Variants in PPFIA1 observed in about 807,000 individuals in gnomAD.
PPFIA1 encodes PPFI scaffold protein A1.
Under a neutral mutation model 149.9 loss-of-function variants are expected in PPFIA1, and 25 were observed. That is an observed-to-expected ratio of 0.17 (90% CI 0.12 to 0.23). PPFIA1 has a LOEUF of 0.23. Among genes scored for constraint, PPFIA1 ranks in the 10% least tolerant of loss-of-function variants. The pLI is 1.00. For missense variants in PPFIA1, 1,362 were observed against 1,506.5 expected, an observed-to-expected ratio of 0.90 and a Z score of 1.59; for synonymous variants, 549 against 552.8, an observed-to-expected ratio of 0.99 and a Z score of 0.10.
intron 2 of PPFIA1, among the ~76,000 whole-genome samples, chr11:70,285,870 T>C (rs185994616): frequency 1.7e-3 from 265 of 152,320 alleles, no homozygotes; most frequent in Non-Finnish European, 3.1e-3. Context: ...TTCTAGGTGC[T>C]GAATATTCCA....
rs73519483 is a variant in PPFIA1 at position 70,355,534 on chromosome 11, T to C, written c.2316-105T>C. 5,759 of 1,077,652 alleles carry C rather than the reference T, an allele frequency of 5.3e-3. 258 individuals are homozygous for C. The African/African-American group carries it at 0.083, about 16-fold the overall frequency. The allele number at this position is 1,077,652 out of a possible 1,614,324, so 66.8% of individuals were successfully genotyped here. Reference sequence around the variant, plus strand: ...TGCATGATGCACTTGGTGAGGAAGATGTGTGTGAAAGAGACTGGAAGTGCT... The same window carrying C: ...TGCATGATGCACTTGGTGAGGAAGACGTGTGTGAAAGAGACTGGAAGTGCT... On this transcript the variant is annotated intron_variant, in intron 17 of 27. Coordinates refer to ENST00000253925, the MANE Select transcript of PPFIA1 (RefSeq NM_003626.5).
At chr11:70,343,483 A>G (rs1290321832) in intron 14 of PPFIA1, among the ~76,000 whole-genome samples, 186 bp from the exon 15 acceptor site, 1 of 152,166 alleles carries the variant, frequency 6.6e-6, no homozygotes, top group East Asian at 1.9e-4. Flanking sequence ...GGGTCCAAGG[A>G]ATGGATTGTT....
chr11:70,288,967 GTT>G (rs34756873), intron 2 of PPFIA1, among the ~76,000 whole-genome samples: 7 of 124,114 alleles, frequency 5.6e-5, no homozygotes, highest in Non-Finnish European at 8.4e-5. Context: ...GCATCTGGTT[GTT>G]TTTTTTTTTT....
intron 2 of PPFIA1, among the ~76,000 whole-genome samples, chr11:70,302,768 CAT>C (rs1491554906): frequency 7.5e-5 from 11 of 147,120 alleles, no homozygotes; most frequent in Non-Finnish European, 7.5e-5. Flanking sequence ...CTCTCAACAC[CAT>C]TTTTTTTTTT....
intron 2 of PPFIA1, among the ~76,000 whole-genome samples, chr11:70,293,130 T>G (rs1327642509): frequency 6.6e-6 from 1 of 152,228 alleles, no homozygotes; most frequent in Non-Finnish European, 1.5e-5. Context: ...CAGTGATGCA[T>G]CCTAGAATGA....
intron 14 of PPFIA1, among the ~76,000 whole-genome samples, chr11:70,340,157 A>G (rs1348261996): frequency 6.6e-6 from 1 of 151,798 alleles, no homozygotes; most frequent in Non-Finnish European, 1.5e-5. Flanking sequence ...AAAAGAAAAA[A>G]TTAGTTGGGT....
chr11:70,346,434 T>C (rs1699112267), intron 15 of PPFIA1, among the ~76,000 whole-genome samples: 1 of 152,090 alleles, frequency 6.6e-6, no homozygotes, highest in African/African-American at 2.4e-5. Context: ...CAGCTTTTTT[T>C]TTTTATTAAA....
At chr11:70,340,068 T>G (rs964960388) in intron 14 of PPFIA1, among the ~76,000 whole-genome samples, 3 of 151,596 alleles carry the variant, frequency 2.0e-5, no homozygotes, top group Non-Finnish European at 2.9e-5. Context: ...CCCAGTGCTT[T>G]GGGAGGATCG....
In PPFIA1 at chr11:70,372,227, G is replaced by T. The variant is rs761016829; in HGVS notation, c.2878G>T (p.Gly960Trp). The change falls in exon 22 of 28, where the codon GGG becomes TGG. Residue 960 changes from glycine to tryptophan, a missense_variant. Coordinates refer to ENST00000253925, the MANE Select transcript of PPFIA1 (RefSeq NM_003626.5). The stretch of plus-strand genomic sequence containing the variant: ...TTATGAAAAGCAGACACTCGCCTAT[G>T]GGGACATGAACCACGAGTGGATCGG... ...PPTSRTTLAY[G>W]DMNHEWIGNE... The T allele has an allele frequency of 1.2e-6, 2 of 1,613,060 alleles. No individual in the cohort carries two copies. Among genetic ancestry groups the T allele is most frequent in the Non-Finnish European group, 1.7e-6 (2 of 1,179,712 alleles).
At chr11:70,291,371 A>G (rs1306973227) in intron 2 of PPFIA1, among the ~76,000 whole-genome samples, 1 of 152,196 alleles carries the variant, frequency 6.6e-6, no homozygotes, top group Non-Finnish European at 1.5e-5. Flanking sequence ...GTGACGTGGT[A>G]TTTCTTTTCA....
chr11:70,360,445 C>T (rs1450580918), intron 19 of PPFIA1, among the ~76,000 whole-genome samples: 1 of 152,392 alleles, frequency 6.6e-6, no homozygotes, highest in East Asian at 1.9e-4. Context: ...GTCAGATCCT[C>T]CCTGCGCCTT....
At position 70,294,414 on chromosome 11, in the gene PPFIA1, A is replaced by G. The variant is rs568784944; in HGVS notation, c.264+21978A>G. Among the ~76,000 whole-genome samples, 64 of 152,298 alleles carry G rather than the reference A, an allele frequency of 4.2e-4. 2 individuals carry two copies. Among genetic ancestry groups the G allele is most frequent in the Admixed American group, 2.3e-3 (35 of 15,298 alleles). On this transcript the variant is annotated intron_variant, in intron 2 of 27. Transcript: ENST00000253925. Reference sequence around the variant, plus strand: ...GTGTTTCTGCTGAAGGGATATGCCCACGTCCTTTAGACATGGGACAGAAAG... The same window carrying G: ...GTGTTTCTGCTGAAGGGATATGCCCGCGTCCTTTAGACATGGGACAGAAAG...
chr11:70,350,947 A>T, intron 16 of PPFIA1: 1 of 1,157,838 alleles, frequency 8.6e-7, no homozygotes, highest in Non-Finnish European at 1.1e-6. Flanking sequence ...TTCAAAGTGT[A>T]TATAGTAAAT....
intron 2 of PPFIA1, among the ~76,000 whole-genome samples, chr11:70,303,391 T>C (rs1414889782): frequency 6.6e-6 from 1 of 152,206 alleles, no homozygotes; most frequent in Non-Finnish European, 1.5e-5. Flanking sequence ...GATTGTTTAA[T>C]TACATGTAAA....
intron 2 of PPFIA1, among the ~76,000 whole-genome samples, chr11:70,296,446 G>T (rs58704532): frequency 0.031 from 4,731 of 152,246 alleles, 285 homozygotes; most frequent in African/African-American, 0.11. Context: ...TCTGGAGGCC[G>T]AGGCTGGCGG....
intron 27 of PPFIA1, among the ~76,000 whole-genome samples, chr11:70,382,490 GGA>G (rs1353471633): frequency 2.0e-5 from 3 of 152,052 alleles, no homozygotes; most frequent in African/African-American, 7.2e-5. Context: ...GAGCGTCAGG[GGA>G]GAGTCTCTCC....
chr11:70,374,725 G>C (rs499484), intron 23 of PPFIA1, 193 bp from the exon 24 acceptor site: 2 of 538,552 alleles, frequency 3.7e-6, no homozygotes, highest in Non-Finnish European at 6.4e-6. Flanking sequence ...GTCTCCCTGA[G>C]AGTGGAGCAG....
intron 5 of PPFIA1, 72 bp downstream of exon 5, chr11:70,325,646 A>C: frequency 8.0e-7 from 1 of 1,248,850 alleles, no homozygotes; most frequent in Non-Finnish European, 1.2e-6. Flanking sequence ...TAAAAGCAGC[A>C]TAAGGCCAGA....
chr11:70,322,248 C>G (rs372852520), intron 2 of PPFIA1, among the ~76,000 whole-genome samples: 2 of 152,290 alleles, frequency 1.3e-5, no homozygotes, highest in African/African-American at 4.8e-5. Context: ...AATAATCTTT[C>G]CTCATGTACG....
Sources: allele counts gnomAD v4.1 joint callset (sites outside exome capture counted in the v4.1 genomes callset), GRCh38; gene constraint gnomAD v4.1.1; transcripts MANE v1.5; gene names NCBI Gene and HGNC (gene_info 2026-07-23, HGNC 2026-07-21).